Variants in NRG3 observed in about 807,000 individuals in gnomAD.
NRG3 encodes neuregulin 3.
In NRG3, 31 loss-of-function variants were observed where a neutral mutation model predicts 66.9. That is an observed-to-expected ratio of 0.46 (90% confidence interval 0.35 to 0.63). The LOEUF (loss-of-function observed/expected upper bound fraction) is 0.63. Ranked by LOEUF, NRG3 falls within the 20% of genes least tolerant of loss-of-function variation. The probability of loss-of-function intolerance (pLI) is 0.00; values close to 1 mark genes in which losing one functional copy is unlikely to be tolerated. For missense variants in NRG3, 910 were observed against 878.9 expected (o/e 1.04, Z -0.45); for synonymous variants, 393 against 359.4 (o/e 1.09, Z -1.06).
At chr10:82,100,719 G>C (rs994661336) in intron 1 of NRG3, among the ~76,000 whole-genome samples, 8 of 152,018 alleles carry the variant, frequency 5.3e-5, no homozygotes, top group Admixed American at 5.2e-4. Flanking sequence ...AACTATACTT[G>C]GTAATATATT....
At chr10:82,066,519 T>A (rs1465043011) in intron 1 of NRG3, among the ~76,000 whole-genome samples, 1 of 152,152 alleles carries the variant, frequency 6.6e-6, no homozygotes, top group Admixed American at 6.6e-5. Flanking sequence ...CTCATTTTGG[T>A]ATCCTATTTG....
intron 3 of NRG3, among the ~76,000 whole-genome samples, chr10:82,754,767 T>G (rs1268408643): frequency 1.3e-5 from 2 of 152,090 alleles, no homozygotes; most frequent in Non-Finnish European, 2.9e-5. Flanking sequence ...GGTGTTTCAT[T>G]ATCTAAAGCA....
At chr10:81,930,392 A>G (rs552101255) in intron 1 of NRG3, among the ~76,000 whole-genome samples, 1 of 152,292 alleles carries the variant, frequency 6.6e-6, no homozygotes, top group African/African-American at 2.4e-5. Flanking sequence ...GTTTTATTGT[A>G]GAAGATACAA....
At chr10:82,041,629 C>G (rs1185226126) in intron 1 of NRG3, among the ~76,000 whole-genome samples, 1 of 152,006 alleles carries the variant, frequency 6.6e-6, no homozygotes, top group African/African-American at 2.4e-5. Flanking sequence ...TCAGGAACAA[C>G]ATTCCTCAAA....
At chr10:82,560,428 A>G (rs573480071) in intron 2 of NRG3, among the ~76,000 whole-genome samples, 11 of 151,260 alleles carry the variant, frequency 7.3e-5, no homozygotes, top group African/African-American at 2.6e-4. Flanking sequence ...ATTCTTATGT[A>G]TATGATAGTA....
At chr10:82,978,736 TC>T (rs1221295729) in intron 7 of NRG3, among the ~76,000 whole-genome samples, 2 of 152,326 alleles carry the variant, frequency 1.3e-5, no homozygotes, top group South Asian at 4.1e-4. Flanking sequence ...TCCAGGAACT[TC>T]CCTTTTTCTC....
At chr10:82,564,393 G>T (rs781556711) in intron 2 of NRG3, among the ~76,000 whole-genome samples, 1 of 152,070 alleles carries the variant, frequency 6.6e-6, no homozygotes, top group Admixed American at 6.6e-5. Context: ...AGGAAATTCT[G>T]CTTCGAATGG....
At chr10:82,561,586 G>C (rs1245926882) in intron 2 of NRG3, among the ~76,000 whole-genome samples, 1 of 152,204 alleles carries the variant, frequency 6.6e-6, no homozygotes, top group Non-Finnish European at 1.5e-5. Flanking sequence ...CTGTGAGGCA[G>C]AGGTTGCAGT....
intron 4 of NRG3, among the ~76,000 whole-genome samples, chr10:82,868,128 G>A (rs1044112730): frequency 3.3e-5 from 5 of 152,130 alleles, no homozygotes; most frequent in African/African-American, 1.2e-4. Context: ...AACTAAAATT[G>A]CCATGCAAAT....
chr10:82,942,724 G>T (rs1418004796), intron 4 of NRG3, among the ~76,000 whole-genome samples: 1 of 152,170 alleles, frequency 6.6e-6, no homozygotes, highest in East Asian at 1.9e-4. Context: ...CATGGTTGTT[G>T]CATGCGTCTG....
intron 4 of NRG3, among the ~76,000 whole-genome samples, chr10:82,913,041 C>G (rs955459392): frequency 6.6e-6 from 1 of 152,006 alleles, no homozygotes; most frequent in South Asian, 2.1e-4. Context: ...CTGGCTAACA[C>G]GGTGAAACCC....
intron 1 of NRG3, among the ~76,000 whole-genome samples, chr10:82,084,789 G>C (rs2133447896): frequency 6.6e-6 from 1 of 152,146 alleles, no homozygotes; most frequent in African/African-American, 2.4e-5. Flanking sequence ...GGATATGGTT[G>C]TATCTCTGCA....
intron 1 of NRG3, among the ~76,000 whole-genome samples, chr10:82,189,899 G>T (rs2074034045): frequency 6.6e-6 from 1 of 152,096 alleles, no homozygotes; most frequent in South Asian, 2.1e-4. Context: ...GGAGGTGGAG[G>T]TTGCAGTGAG....
chr10:82,542,290 G>A (rs993999837), intron 2 of NRG3, among the ~76,000 whole-genome samples: 11 of 152,132 alleles, frequency 7.2e-5, no homozygotes, highest in Non-Finnish European at 5.9e-5. Flanking sequence ...CCTGGGCAGG[G>A]AAAATTCAAG....
At chr10:82,984,815 C>A in intron 8 of NRG3, 1 of 1,549,172 alleles carries the variant, frequency 6.5e-7, no homozygotes, top group Non-Finnish European at 8.7e-7. Flanking sequence ...TCCCACCTGC[C>A]TATACAGCTG....
intron 1 of NRG3, among the ~76,000 whole-genome samples, chr10:81,931,711 C>T (rs1847366011): frequency 1.3e-5 from 2 of 152,308 alleles, no homozygotes; most frequent in Admixed American, 1.3e-4. Context: ...ATCAGATGAA[C>T]CTCATCGTTC....
At chr10:81,997,715 AAT>A (rs2060995280) in intron 1 of NRG3, among the ~76,000 whole-genome samples, 1 of 152,088 alleles carries the variant, frequency 6.6e-6, no homozygotes, top group East Asian at 1.9e-4. Context: ...GACCATAATC[AAT>A]GTCAGATAAG....
At chr10:82,572,595 TTTG>T (rs1400977929) in intron 2 of NRG3, among the ~76,000 whole-genome samples, 1 of 150,022 alleles carries the variant, frequency 6.7e-6, no homozygotes, top group Non-Finnish European at 1.5e-5. Context: ...GGTGGTTTTT[TTTG>T]TGTGTGTGTG....
chr10:82,890,090 T>C (rs937597838), intron 4 of NRG3, among the ~76,000 whole-genome samples: 9 of 151,554 alleles, frequency 5.9e-5, no homozygotes, highest in Admixed American at 5.9e-4. Flanking sequence ...TATGGGAACC[T>C]TATTAGAAAA....
Sources: gnomAD v4.1 joint callset for allele counts (sites outside exome capture counted in the v4.1 genomes callset) on GRCh38, gnomAD v4.1.1 for gene constraint, MANE v1.5 for transcripts, NCBI Gene and HGNC (gene_info 2026-07-23, HGNC 2026-07-21) for gene names.